Variants in DNAAF4 observed in about 807,000 individuals in gnomAD.
DNAAF4 encodes the protein dynein axonemal assembly factor 4.
In DNAAF4, 43 loss-of-function variants were observed where a neutral mutation model predicts 51.8. The observed-to-expected ratio is 0.83, with a 90% CI of 0.65 to 1.07. The LOEUF is 1.07. DNAAF4 is among the 50% of genes least tolerant of loss of function. DNAAF4 has a pLI of 0.00. For missense variants in DNAAF4, 581 were observed against 493.0 expected (o/e 1.18, Z -1.69); for synonymous variants, 194 against 165.6 (o/e 1.17, Z -1.32).
chr15:55,503,662 A>G (rs1402797853), intron 1 of DNAAF4, among the ~76,000 whole-genome samples: 1 of 152,202 alleles, frequency 6.6e-6, no homozygotes, highest in Non-Finnish European at 1.5e-5. Flanking sequence ...AAACAGAACC[A>G]AAGACAAAAA....
intron 7 of DNAAF4, among the ~76,000 whole-genome samples, chr15:55,424,615 T>C (rs2141385065): frequency 6.6e-6 from 1 of 152,320 alleles, no homozygotes; most frequent in South Asian, 2.1e-4. Flanking sequence ...CAGGCTAGAG[T>C]GCAGTGGCAC....
chr15:55,440,830 C>T (rs765986100), intron 6 of DNAAF4, among the ~76,000 whole-genome samples: 4 of 151,456 alleles, frequency 2.6e-5, no homozygotes, highest in East Asian at 2.0e-4. Context: ...TACAGGCACA[C>T]GCCACCATGC....
chr15:55,418,803 C>T (rs1329661414), intron 7 of DNAAF4: 1 of 365,476 alleles, frequency 2.7e-6, no homozygotes, highest in Non-Finnish European at 4.8e-6. Context: ...CCAAAAGCTT[C>T]AAAAGCCTTT....
intron 5 of DNAAF4, among the ~76,000 whole-genome samples, chr15:55,451,226 T>A (rs764768920): frequency 6.6e-6 from 1 of 152,206 alleles, no homozygotes; most frequent in African/African-American, 2.4e-5. Context: ...GGTGATCCCA[T>A]CAGCCAGGAT....
chr15:55,462,339 C>T (rs2058104871), intron 5 of DNAAF4, among the ~76,000 whole-genome samples: 1 of 151,972 alleles, frequency 6.6e-6, no homozygotes, highest in East Asian at 1.9e-4. Flanking sequence ...ATTACAGGCA[C>T]ATGCCACCAC....
intron 4 of DNAAF4, 95 bp downstream of exon 4, chr15:55,491,028 G>T: frequency 6.9e-7 from 1 of 1,449,222 alleles, no homozygotes; most frequent in Non-Finnish European, 9.5e-7. Context: ...AAAGTATGAA[G>T]AAAATGCTGA....
intron 5 of DNAAF4, among the ~76,000 whole-genome samples, chr15:55,462,124 G>T (rs934512240): frequency 4.0e-5 from 6 of 151,418 alleles, no homozygotes; most frequent in African/African-American, 1.2e-4. Flanking sequence ...ACCAATAGCA[G>T]GTAGGGAGAT....
chr15:55,460,471 C>T (rs11855391), intron 5 of DNAAF4, among the ~76,000 whole-genome samples: 35,840 of 151,942 alleles, frequency 0.24, 5,329 homozygotes, highest in Non-Finnish European at 0.34. Flanking sequence ...TGAGCCACCG[C>T]GCCCGGCCGG....
chr15:55,491,733 TAATATATA>T (rs2058576677), intron 3 of DNAAF4, among the ~76,000 whole-genome samples: 1 of 139,974 alleles, frequency 7.1e-6, no homozygotes, highest in African/African-American at 2.7e-5. Flanking sequence ...GTATATAATA[TAATATATA>T]ATATTATATT....
At position 55,497,744 on chromosome 15, in the gene DNAAF4, G is replaced by A; in HGVS notation, c.239C>T (p.Ala80Val). 1 of 1,613,136 alleles carries A rather than the reference G, an allele frequency of 6.2e-7. No homozygotes were observed. The highest frequency in any genetic ancestry group is 8.5e-7 in the Non-Finnish European group (1 of 1,179,596). ...CACAGAAAGGGTCTCCCACATGGCC[G>A]CTTCTTTTTTATACAAGGTGAAGAC... ...TIVFTLYKKE[A>V]AMWETLSVTG... The change falls in exon 3 of 10, where the codon GCG (alanine) becomes GTG (valine). Residue 80 changes from alanine to valine, a missense_variant. Coordinates refer to ENST00000321149, the MANE Select transcript of DNAAF4 (RefSeq NM_130810.4).
chr15:55,429,031 G>A (rs1475971101), downstream of DNAAF4, among the ~76,000 whole-genome samples: 1 of 151,620 alleles, frequency 6.6e-6, no homozygotes, highest in Non-Finnish European at 1.5e-5. Context: ...AGACCAGCCT[G>A]GCCAACATGG....
intron 7 of DNAAF4, among the ~76,000 whole-genome samples, chr15:55,438,332 C>G (rs1264047771): frequency 7.4e-6 from 1 of 134,842 alleles, no homozygotes; most frequent in African/African-American, 2.8e-5. Context: ...GCCTGGGGAC[C>G]AAGAGCGAGA....
intron 4 of DNAAF4, among the ~76,000 whole-genome samples, chr15:55,490,761 G>A (rs1004633274): frequency 7.2e-5 from 11 of 152,024 alleles, no homozygotes; most frequent in African/African-American, 2.4e-4. Flanking sequence ...AGACCATCCC[G>A]GCTAACACGG....
intron 3 of DNAAF4, among the ~76,000 whole-genome samples, chr15:55,496,101 G>A (rs951642837): frequency 3.4e-4 from 52 of 152,194 alleles, no homozygotes; most frequent in Middle Eastern, 3.4e-3. Flanking sequence ...GTGGTGGCAC[G>A]TGCCTGTAGT....
intron 7 of DNAAF4, among the ~76,000 whole-genome samples, chr15:55,436,057 G>C (rs1158324861): frequency 6.6e-6 from 1 of 152,166 alleles, no homozygotes; most frequent in Non-Finnish European, 1.5e-5. Context: ...CAAAGCGCTG[G>C]GATTACAGGC....
chr15:55,417,984 G>A, exon 8 of DNAAF4: 1 of 720,588 alleles, frequency 1.4e-6, no homozygotes, highest in Non-Finnish European at 2.3e-6. Flanking sequence ...AATGTCATCA[G>A]TTAAGGCAGG....
intron 6 of DNAAF4, among the ~76,000 whole-genome samples, chr15:55,439,943 T>C (rs1032597190): frequency 1.3e-5 from 2 of 152,192 alleles, no homozygotes; most frequent in Non-Finnish European, 2.9e-5. Context: ...GCTGGCACCC[T>C]GATCTTGGAT....
At chr15:55,422,543 GA>G (rs1303305366) in intron 7 of DNAAF4, among the ~76,000 whole-genome samples, 1 of 152,144 alleles carries the variant, frequency 6.6e-6, no homozygotes, top group Admixed American at 6.6e-5. Flanking sequence ...GACTACTGAA[GA>G]AAGAGGAAAT....
At chr15:55,467,345 T>C (rs2058185218) in intron 4 of DNAAF4, among the ~76,000 whole-genome samples, 184 bp from the exon 5 acceptor site, 1 of 152,126 alleles carries the variant, frequency 6.6e-6, no homozygotes, top group South Asian at 2.1e-4. Flanking sequence ...GAAAAACCAT[T>C]GGTGTTGGAG....
Sources: gnomAD v4.1 joint callset for allele counts (sites outside exome capture counted in the v4.1 genomes callset) on GRCh38, gnomAD v4.1.1 for gene constraint, MANE v1.5 for transcripts, NCBI Gene and HGNC (gene_info 2026-07-23, HGNC 2026-07-21) for gene names.